FARSA: variants seen among roughly 807,000 people sequenced by gnomAD.
FARSA encodes phenylalanyl-tRNA synthetase subunit alpha.
FARSA carries 37 observed loss-of-function variants against 63.2 expected under a neutral mutation model. The observed-to-expected ratio is 0.59, with a 90% CI of 0.45 to 0.77. The LOEUF (loss-of-function observed/expected upper bound fraction) is 0.77. FARSA is among the 30% of genes least tolerant of loss of function. The pLI, the probability that FARSA is intolerant of heterozygous loss-of-function variation, is 0.00. For synonymous variants in FARSA, 312 were observed against 285.1 expected (o/e 1.09, Z -0.95); for missense variants, 618 against 696.6 (o/e 0.89, Z 1.27).
At chr19:12,929,231 A>G (rs976344222) in intron 4 of FARSA, among the ~76,000 whole-genome samples, 1 of 152,116 alleles carries the variant, frequency 6.6e-6, no homozygotes, top group African/African-American at 2.4e-5. Flanking sequence ...TTTGAGACAG[A>G]GTTTTGCTCT....
rs867576272 is a variant in FARSA, at chr19:12,930,435, G to C, written c.378C>G (p.Phe126Leu). The stretch of plus-strand genomic sequence containing the variant: ...CCAGCCCGCAGGAACGCACCACTCG[G>C]AACACCCGGGGCCCGTCAGCCGCAC... ...DKSAADGPRV[F>L]RVVDSMEDEV... The change falls in exon 3 of 13, where the codon TTC (phenylalanine) becomes TTG (leucine). Residue 126 changes from phenylalanine (F) to leucine (L), a missense_variant. By Grantham distance (22) the Phe-to-Leu change is conservative. Coordinates refer to ENST00000314606, the MANE Select transcript of FARSA (RefSeq NM_004461.3). 2 of 1,614,004 alleles carry C rather than the reference G, an allele frequency of 1.2e-6. No homozygotes were observed. The highest frequency in any genetic ancestry group is 1.7e-6 in the Non-Finnish European group (2 of 1,179,916).
At chr19:12,925,947 A>G (rs1378397014) in intron 7 of FARSA, among the ~76,000 whole-genome samples, 1 of 150,610 alleles carries the variant, frequency 6.6e-6, no homozygotes, top group African/African-American at 2.4e-5. Flanking sequence ...TGCTGGGATC[A>G]TGCCACCGCG....
intron 1 of FARSA, among the ~76,000 whole-genome samples, chr19:12,932,490 T>C (rs1971408322): frequency 6.6e-6 from 1 of 152,182 alleles, no homozygotes; most frequent in South Asian, 2.1e-4. Context: ...CTCCTCTGCA[T>C]TGAGGACTAT....
At position 12,930,361 on chromosome 19, in the gene FARSA, G is replaced by A; in HGVS notation, c.385-20C>T. 1.2e-6 allele frequency: 2 copies of A among 1,613,556 alleles called. No homozygotes were observed. Among genetic ancestry groups the A allele is most frequent in the Non-Finnish European group, 1.7e-6 (2 of 1,179,586 alleles). On this transcript the variant is annotated intron_variant, in intron 3 of 12. Transcript: ENST00000314606. The stretch of plus-strand genomic sequence containing the variant: ...GTCCACCTGCCAGGATAAGGAGTGT[G>A]AGGGGTATGAGGGCCAGGGGCCCAT...
At position 12,933,706 on chromosome 19, in the gene FARSA, C is replaced by T. The variant is rs369075640; in HGVS notation, c.-10G>A. ...CCTGACCATCCGCCATGACTCCTTC[C>T]AGTGTGCTCAGCGTGTCCGGGCCCG... is the stretch of plus-strand genomic sequence containing the variant. On this transcript the variant is annotated 5_prime_UTR_variant, in exon 1 of 13. Coordinates refer to ENST00000314606, the MANE Select transcript of FARSA (RefSeq NM_004461.3). The T allele has an allele frequency of 3.9e-5, 60 of 1,557,292 alleles. 1 individual carries two copies. In the African/African-American group the frequency reaches 7.5e-4, roughly 19 times the overall value.
At position 12,924,849 on chromosome 19, in the gene FARSA, G is replaced by T; in HGVS notation, c.1027-42C>A. The stretch of plus-strand genomic sequence containing the variant: ...AGCCAGGCCCAGGTATGGGTCAGAA[G>T]GTCCCTTTGACAGCACCCTCTCCCC... On this transcript the variant is annotated intron_variant, in intron 9 of 12. Coordinates refer to ENST00000314606, the MANE Select transcript of FARSA (RefSeq NM_004461.3). This position sits in a 1 kb window ranked among gnomAD's most constrained non-coding sequence, Gnocchi z 6.4. 6.2e-7 allele frequency: 1 copy of T among 1,613,916 alleles called. No individual in the cohort carries two copies. The highest frequency in any genetic ancestry group is 8.5e-7 in the Non-Finnish European group (1 of 1,179,878).
intron 1 of FARSA, among the ~76,000 whole-genome samples, chr19:12,931,822 T>C (rs1971399734): frequency 6.6e-6 from 1 of 152,154 alleles, no homozygotes; most frequent in African/African-American, 2.4e-5. Flanking sequence ...CAAGGGTAAG[T>C]AGAGTGCACA....
chr19:12,924,006 C>G lies in FARSA; in HGVS notation c.1388+145G>C. 1 of 660,634 alleles carries G rather than the reference C, an allele frequency of 1.5e-6. No individual in the cohort carries two copies. Among genetic ancestry groups the G allele is most frequent in the Non-Finnish European group, 2.7e-6 (1 of 369,000 alleles). 40.9% of individuals were successfully genotyped at this position (660,634 alleles called of 1,614,324 possible). ...GACATAAGCTGTCATGTTCACAGCACGGGGCTGAGCATTCAGTTTGTACTC... is the reference window on the plus strand; with the variant it reads ...GACATAAGCTGTCATGTTCACAGCAGGGGGCTGAGCATTCAGTTTGTACTC... On this transcript the variant is annotated intron_variant, in intron 12 of 12. Coordinates refer to ENST00000314606, the MANE Select transcript of FARSA (RefSeq NM_004461.3). The surrounding 1 kb of genome is among the most constrained non-coding windows in gnomAD (Gnocchi z 6.4).
chr19:12,928,493 C>A, intron 6 of FARSA, 36 bp from the exon 7 acceptor site: 1 of 1,613,724 alleles, frequency 6.2e-7, no homozygotes, highest in South Asian at 1.1e-5. Flanking sequence ...CCTGCCTGTA[C>A]CCAGCAGAAG....
At position 12,933,537 on chromosome 19, in the gene FARSA, G is replaced by A. The variant is rs757276191; in HGVS notation, c.147+13C>T. On this transcript the variant is annotated intron_variant, in intron 1 of 12. Transcript: ENST00000314606. Reference sequence around the variant, plus strand: ...CAAGGGCAAGGCGGTCCGGCATCACGGGCCCGGCTCACCTCGCCCAGCGCC... The same window carrying A: ...CAAGGGCAAGGCGGTCCGGCATCACAGGCCCGGCTCACCTCGCCCAGCGCC... The A allele has an allele frequency of 1.3e-6, 2 of 1,538,838 alleles. No individual in the cohort carries two copies. The highest frequency in any genetic ancestry group is 2.4e-5 in the East Asian group (1 of 41,096).
In FARSA at chr19:12,925,114, G is replaced by C. The variant is rs749792426; in HGVS notation, c.902C>G (p.Ser301Cys). 1.9e-6 allele frequency: 3 copies of C among 1,610,680 alleles called. No homozygotes were observed. Among genetic ancestry groups the C allele is most frequent in the Admixed American group, 1.7e-5 (1 of 59,614 alleles). ...CCCCTGTGAGCCGTAGCCGCCCTGA[G>C]AGTGGGTCCGCTTGACCCGCTGGAC... ...DYVQRVKRTH[S>C]QGGYGSQGYK... The change falls in exon 8 of 13, where the codon TCT (serine) becomes TGT (cysteine). Residue 301 changes from serine to cysteine, a missense_variant. By Grantham distance (112) the Ser-to-Cys change is moderately radical. Transcript: ENST00000314606.
chr19:12,930,690 C>A lies in FARSA; in HGVS notation c.207G>T (p.Glu69Asp). Residue 69 changes from glutamate to aspartate, a missense_variant, in exon 2 of 13, where the codon GAG becomes GAT. Transcript: ENST00000314606. ...CCTCATGGCTGCCCTCCCGGGCAAT[C>A]TCCTCGCCCTCCGCAGTAAGCTCCC... is the stretch of plus-strand genomic sequence containing the variant. ...KHWELTAEGE[E>D]IAREGSHEAR... is the part of the protein sequence containing the mutation. 6.2e-7 allele frequency: 1 copy of A among 1,613,342 alleles called. No individual in the cohort carries two copies. The highest frequency in any genetic ancestry group is 1.7e-5 in the Admixed American group (1 of 60,026).
rs560609654 is a variant in FARSA, at chr19:12,924,370, C to T, written c.1273+79G>A. On this transcript the variant is annotated intron_variant, in intron 11 of 12. Transcript: ENST00000314606. The surrounding 1 kb of genome is among the most constrained non-coding windows in gnomAD (Gnocchi z 6.4). ...GTGAGCTTGGGAGGTGGGGTACAGGCATGGCAATGGGGGGACCCAGGCCAA... is the reference window on the plus strand; with the variant it reads ...GTGAGCTTGGGAGGTGGGGTACAGGTATGGCAATGGGGGGACCCAGGCCAA... The T allele has an allele frequency of 1.9e-6, 3 of 1,543,474 alleles. No individual in the cohort carries two copies. Among genetic ancestry groups the T allele is most frequent in the South Asian group, 1.1e-5 (1 of 89,676 alleles).
At chr19:12,932,185 C>A (rs571941218) in intron 1 of FARSA, among the ~76,000 whole-genome samples, 1 of 151,896 alleles carries the variant, frequency 6.6e-6, no homozygotes, top group African/African-American at 2.4e-5. Context: ...CCCACCAACA[C>A]GCCTGGCTAA....
In FARSA at chr19:12,924,610, C is replaced by G; in HGVS notation, c.1195+29G>C. On this transcript the variant is annotated intron_variant, in intron 10 of 12. Coordinates refer to ENST00000314606, the MANE Select transcript of FARSA (RefSeq NM_004461.3). This position sits in a 1 kb window ranked among gnomAD's most constrained non-coding sequence, Gnocchi z 6.4. Reference sequence around the variant, plus strand: ...AACACACCTGCCCGCTGCCTCACCACCATGGCCCACCCCTGCCCCCCTGCT... The same window carrying G: ...AACACACCTGCCCGCTGCCTCACCAGCATGGCCCACCCCTGCCCCCCTGCT... 1 of 1,611,572 alleles carries G rather than the reference C, an allele frequency of 6.2e-7. No homozygotes were observed. The highest frequency in any genetic ancestry group is 8.5e-7 in the Non-Finnish European group (1 of 1,178,784).
rs373072870 is a variant in FARSA, at chr19:12,930,416, C to T, written c.384+13G>A. On this transcript the variant is annotated intron_variant, in intron 3 of 12. Coordinates refer to ENST00000314606, the MANE Select transcript of FARSA (RefSeq NM_004461.3). ...CCGTCCACCTGCCCCCTGACCAGCC[C>T]GCAGGAACGCACCACTCGGAACACC... 5.8e-5 allele frequency: 94 copies of T among 1,613,446 alleles called. No individual in the cohort carries two copies. Among genetic ancestry groups the T allele is most frequent in the Admixed American group, 3.7e-4 (22 of 59,976 alleles).
At chr19:12,923,478 T>C (rs910304587) in intron 12 of FARSA, among the ~76,000 whole-genome samples, 5 of 152,028 alleles carry the variant, frequency 3.3e-5, no homozygotes, top group Middle Eastern at 3.2e-3. Context: ...ATTTTTGTAG[T>C]TTTAGTAGAG....
intron 7 of FARSA, among the ~76,000 whole-genome samples, chr19:12,926,195 C>T (rs1165837018): frequency 2.0e-5 from 3 of 150,954 alleles, no homozygotes; most frequent in Admixed American, 2.0e-4. Context: ...TCTCGATCCA[C>T]CCACCGTGGC....
intron 4 of FARSA, among the ~76,000 whole-genome samples, chr19:12,929,958 T>C (rs1971371717): frequency 1.3e-5 from 2 of 152,106 alleles, no homozygotes; most frequent in African/African-American, 4.8e-5. Context: ...AGGAGGGCTG[T>C]CAGGGTGGCC....
Sources: allele counts gnomAD v4.1 joint callset (sites outside exome capture counted in the v4.1 genomes callset), GRCh38; gene constraint gnomAD v4.1.1; non-coding constraint Gnocchi (gnomAD v3.1); transcripts MANE v1.5; gene names NCBI Gene and HGNC (gene_info 2026-07-23, HGNC 2026-07-21).